TBC1D14: variants seen among roughly 807,000 people sequenced by gnomAD.
TBC1D14 encodes the protein TBC1 domain family member 14.
TBC1D14 carries 26 observed loss-of-function variants against 79.0 expected under a neutral mutation model. The observed-to-expected ratio is 0.33, with a 90% CI of 0.24 to 0.46. The LOEUF (loss-of-function observed/expected upper bound fraction) is 0.46. Among genes scored for constraint, TBC1D14 ranks in the 20% least tolerant of loss-of-function variants. TBC1D14 has a pLI of 1.00. For synonymous variants in TBC1D14, 394 were observed against 349.9 expected, an observed-to-expected ratio of 1.13 and a Z score of -1.40; for missense variants, 769 against 887.6, an observed-to-expected ratio of 0.87 and a Z score of 1.70.
At chr4:6,949,049 C>T (rs1470455404) in intron 2 of TBC1D14, among the ~76,000 whole-genome samples, 1 of 151,646 alleles carries the variant, frequency 6.6e-6, no homozygotes, top group East Asian at 2.0e-4. Context: ...TGGCGCACAC[C>T]TGTAATCCAA....
At chr4:7,015,083 G>A (rs1721148078) in intron 12 of TBC1D14, among the ~76,000 whole-genome samples, 1 of 152,092 alleles carries the variant, frequency 6.6e-6, no homozygotes, top group South Asian at 2.1e-4. Flanking sequence ...GAAAGTAAAG[G>A]GCAGAGGACG....
intron 2 of TBC1D14, among the ~76,000 whole-genome samples, chr4:6,931,362 T>TA (rs944899465): frequency 6.6e-6 from 1 of 152,230 alleles, no homozygotes; most frequent in African/African-American, 2.4e-5. Context: ...GCTGGGTTCT[T>TA]ACCAAGCATT....
At position 7,006,676 on chromosome 4, in the gene TBC1D14, A is replaced by G; in HGVS notation, c.1396A>G (p.Ile466Val). ...AADREASLEL[I>V]KLDISRTFPN... ...AGACAGAGAAGCCAGTCTGGAGCTT[A>G]TTAAACTGGACATTTCTAGAACATT... The change falls in exon 9 of 14, where the codon ATT becomes GTT. Residue 466 changes from isoleucine to valine, a missense_variant. Transcript: ENST00000409757. 1 of 1,614,080 alleles carries G rather than the reference A, an allele frequency of 6.2e-7. No individual in the cohort carries two copies. The highest frequency in any genetic ancestry group is 1.1e-5 in the South Asian group (1 of 91,028).
Position 6,923,713 on chromosome 4 carries a change from A to T in TBC1D14, c.324A>T (p.Pro108=). The change falls in exon 2 of 14, where the codon CCA becomes CCT. Residue 108 remains proline, a synonymous_variant. Coordinates refer to ENST00000409757, the MANE Select transcript of TBC1D14 (RefSeq NM_020773.3). ...CCTTCCAGAGCGCCTGCGCGCTGCC[A>T]TCCTGTGCGCCACCAGCTCCTAGCA... ...ERAFQSACAL[P]SCAPPAPSST... The T allele has an allele frequency of 6.2e-7, 1 of 1,613,872 alleles. No homozygotes were observed. The highest frequency in any genetic ancestry group is 8.5e-7 in the Non-Finnish European group (1 of 1,180,032).
chr4:7,014,867 A>C (rs1179126522), intron 12 of TBC1D14, among the ~76,000 whole-genome samples: 2 of 152,192 alleles, frequency 1.3e-5, no homozygotes, highest in Non-Finnish European at 2.9e-5. Context: ...CTGAGGAGCA[A>C]GGGCAGCGCT....
In TBC1D14 at chr4:6,923,524, G is replaced by GT; in HGVS notation, c.136dup (p.Tyr46LeufsTer71). 1 of 1,614,184 alleles carries GT rather than the reference G, an allele frequency of 6.2e-7. No individual in the cohort carries two copies. Among genetic ancestry groups the GT allele is most frequent in the Non-Finnish European group, 8.5e-7 (1 of 1,180,038 alleles). Reference sequence around the variant, plus strand: ...CGCCCCGACTCCTCTCCGCGCCTGAGTACGGGCCCAAGCTGAAACTCAGGG... The same window carrying GT: ...CGCCCCGACTCCTCTCCGCGCCTGAGTTACGGGCCCAAGCTGAAACTCAGGG... On this transcript the variant is annotated frameshift_variant, in exon 2 of 14. Coordinates refer to ENST00000409757, the MANE Select transcript of TBC1D14 (RefSeq NM_020773.3). LOFTEE classifies it high-confidence loss of function.
chr4:6,967,159 GTGTC>G (rs1715774737), intron 2 of TBC1D14, 141 bp from the exon 3 acceptor site: 1 of 1,120,586 alleles, frequency 8.9e-7, no homozygotes. Flanking sequence ...GCGTAATTCT[GTGTC>G]TGTATGAAAA....
chr4:6,955,568 A>G (rs575858318), intron 2 of TBC1D14, among the ~76,000 whole-genome samples: 6 of 152,330 alleles, frequency 3.9e-5, no homozygotes, highest in African/African-American at 1.4e-4. Flanking sequence ...CGAGTGCTGC[A>G]TTGCTCAGCT....
Position 6,978,243 on chromosome 4 carries a change from T to G in TBC1D14, c.843+10819T>G, listed in dbSNP as rs374049550. Among the ~76,000 whole-genome samples, 8 of 149,796 alleles carry G rather than the reference T, an allele frequency of 5.3e-5. No homozygotes were observed. In the East Asian group the frequency reaches 1.6e-3, roughly 29 times the overall value. On this transcript the variant is annotated intron_variant, in intron 3 of 13. Coordinates refer to ENST00000409757, the MANE Select transcript of TBC1D14 (RefSeq NM_020773.3). The stretch of plus-strand genomic sequence containing the variant: ...CCACCACCCCGTCTGGGAGGTGTAC[T>G]CAACAGCTCATTGAGAACGGGCCAT...
At chr4:7,005,200 G>A (rs1404369908) in intron 8 of TBC1D14, among the ~76,000 whole-genome samples, 1 of 152,104 alleles carries the variant, frequency 6.6e-6, no homozygotes, top group African/African-American at 2.4e-5. Context: ...AGGAGTTTGA[G>A]ACCAGCCTGG....
upstream of TBC1D14, chr4:6,909,647 C>G (rs1029162750): frequency 1.3e-5 from 2 of 151,726 alleles, no homozygotes; most frequent in South Asian, 2.1e-4. Flanking sequence ...GCGGGCGGCC[C>G]CCGGAAGAGG....
chr4:6,951,359 C>A (rs1174747776), intron 2 of TBC1D14, among the ~76,000 whole-genome samples: 1 of 151,978 alleles, frequency 6.6e-6, no homozygotes, highest in African/African-American at 2.4e-5. Context: ...CAAAAAAGTC[C>A]ATTTTATTGT....
chr4:6,955,105 G>A (rs149821141), intron 2 of TBC1D14, among the ~76,000 whole-genome samples: 7 of 152,334 alleles, frequency 4.6e-5, no homozygotes, highest in East Asian at 1.9e-4. Context: ...TACATAGGAG[G>A]TTTGCTCTGA....
intron 2 of TBC1D14, among the ~76,000 whole-genome samples, chr4:6,957,376 A>G (rs1714740059): frequency 6.6e-6 from 1 of 152,276 alleles, no homozygotes; most frequent in South Asian, 2.1e-4. Flanking sequence ...ACTTAGAGTC[A>G]ACATACATTT....
intron 3 of TBC1D14, among the ~76,000 whole-genome samples, chr4:6,981,707 G>A (rs1031197838): frequency 6.6e-6 from 1 of 152,214 alleles, no homozygotes; most frequent in Non-Finnish European, 1.5e-5. Flanking sequence ...AGGAACACAA[G>A]GCTGGGTCAG....
intron 3 of TBC1D14, among the ~76,000 whole-genome samples, chr4:6,977,991 G>A (rs1169780464): frequency 6.6e-6 from 1 of 151,356 alleles, no homozygotes; most frequent in Non-Finnish European, 1.5e-5. Flanking sequence ...GAAGTGAGGA[G>A]CCCCTCCGCC....
At chr4:6,920,113 T>C (rs558686670) in intron 1 of TBC1D14, among the ~76,000 whole-genome samples, 7 of 152,326 alleles carry the variant, frequency 4.6e-5, no homozygotes, top group African/African-American at 1.7e-4. Flanking sequence ...GGGGTCTCAC[T>C]GTGTTGCCCA....
chr4:6,987,336 C>A, intron 3 of TBC1D14: 19 of 1,422,736 alleles, frequency 1.3e-5, no homozygotes, highest in Non-Finnish European at 1.8e-5. Flanking sequence ...GCCTCTAAGG[C>A]CCCGGCGTTC....
At chr4:7,017,307 A>G (rs1386721924) in intron 12 of TBC1D14, among the ~76,000 whole-genome samples, 1 of 152,118 alleles carries the variant, frequency 6.6e-6, no homozygotes, top group Non-Finnish European at 1.5e-5. Flanking sequence ...CTCCAAAACA[A>G]ACAAACAAAA....
Sources: gnomAD v4.1 joint callset for allele counts (sites outside exome capture counted in the v4.1 genomes callset) on GRCh38, gnomAD v4.1.1 for gene constraint, MANE v1.5 for transcripts, NCBI Gene and HGNC (gene_info 2026-07-23, HGNC 2026-07-21) for gene names.